CDS2: variants seen among roughly 807,000 people sequenced by gnomAD.
CDS2 encodes CDP-diacylglycerol synthase 2.
In CDS2, 47 loss-of-function variants were observed where a neutral mutation model predicts 59.0. That is an observed-to-expected ratio of 0.80 (90% CI 0.63 to 1.02). CDS2 has a LOEUF of 1.02. Among genes scored for constraint, CDS2 ranks in the 50% least tolerant of loss-of-function variants. CDS2 has a pLI of 0.00. For missense variants in CDS2, 356 were observed against 558.9 expected (o/e 0.64, Z 3.66); for synonymous variants, 207 against 206.4 (o/e 1.00, Z -0.02).
At chr20:5,163,786 TC>T (rs1247219118) in intron 1 of CDS2, among the ~76,000 whole-genome samples, 3,175 of 133,060 alleles carry the variant, frequency 0.024, 80 homozygotes, top group South Asian at 0.086. Flanking sequence ...ATAATTTCTT[TC>T]TTTCTTTTTT....
chr20:5,184,325 G>A lies in CDS2; in HGVS notation c.672-533G>A, dbSNP rs746922273. ...GAGTGGGCAGAGGGGAAATCTAGCTGTGCGTGTTGGGGTTTCACACTCAAA... is the reference window on the plus strand; with the variant it reads ...GAGTGGGCAGAGGGGAAATCTAGCTATGCGTGTTGGGGTTTCACACTCAAA... On this transcript the variant is annotated intron_variant, in intron 7 of 12. Transcript: ENST00000460006. The surrounding 1 kb of genome is among the most constrained non-coding windows in gnomAD (Gnocchi z 4.3). 3.3e-5 allele frequency among the ~76,000 whole-genome samples: 5 copies of A among 152,196 alleles called. No individual in the cohort carries two copies. Among genetic ancestry groups the A allele is most frequent in the African/African-American group, 1.2e-4 (5 of 41,452 alleles).
chr20:5,164,358 T>A (rs1447758416), intron 1 of CDS2, among the ~76,000 whole-genome samples: 1 of 152,176 alleles, frequency 6.6e-6, no homozygotes, highest in Non-Finnish European at 1.5e-5. Flanking sequence ...TTTGCTCTCA[T>A]GTCTACTTAT....
chr20:5,175,280 G>A lies in CDS2; in HGVS notation c.291+1G>A, dbSNP rs769400834. On this transcript the variant is annotated splice_donor_variant, in intron 3 of 12. Coordinates refer to ENST00000460006, the MANE Select transcript of CDS2 (RefSeq NM_003818.4). LOFTEE classifies it high-confidence loss of function. ...GGGACCAATGGTTTTGATGATAATC[G>A]TAAGTGCCATTTCACACTATTTTAG... 4.3e-6 allele frequency: 7 copies of A among 1,610,882 alleles called. No homozygotes were observed. Among genetic ancestry groups the A allele is most frequent in the Admixed American group, 1.7e-5 (1 of 59,988 alleles).
intron 1 of CDS2, among the ~76,000 whole-genome samples, chr20:5,163,123 C>G (rs1379154914): frequency 1.3e-5 from 2 of 152,178 alleles, no homozygotes; most frequent in Non-Finnish European, 2.9e-5. Context: ...GCGTGAGGAT[C>G]ACTTGAGGCC....
intron 1 of CDS2, among the ~76,000 whole-genome samples, chr20:5,131,352 A>C (rs6116658): frequency 0.34 from 52,295 of 152,102 alleles, 10,087 homozygotes; most frequent in South Asian, 0.65. Context: ...CCCAAAGCAC[A>C]GTATAGTTGC....
At chr20:5,144,037 T>TC (rs2090719340) in intron 1 of CDS2, among the ~76,000 whole-genome samples, 1 of 152,136 alleles carries the variant, frequency 6.6e-6, no homozygotes, top group East Asian at 1.9e-4. Context: ...ACTGCTGGGA[T>TC]CATAGGCATG....
At chr20:5,175,144 C>T (rs1003490759) in intron 2 of CDS2, 39 bp from the exon 3 acceptor site, 1 of 1,486,694 alleles carries the variant, frequency 6.7e-7, no homozygotes, top group Non-Finnish European at 9.4e-7. Flanking sequence ...TTCTGGGCTC[C>T]TAACTGGTGT....
Position 5,173,647 on chromosome 20 carries a change from ACTTGT to A in CDS2, c.186_190del (p.Leu62PhefsTer41). ...GAGGTCCTCAATAGGGCCCTTTCCA[ACTTGT>A]CTTCAAGGTAACCTGGCTTAATGAT... On this transcript the variant is annotated frameshift_variant, in exon 2 of 13. Transcript: ENST00000460006. LOFTEE classifies it high-confidence loss of function. The A allele has an allele frequency of 1.2e-6, 2 of 1,614,054 alleles. No individual in the cohort carries two copies. Among genetic ancestry groups the A allele is most frequent in the Non-Finnish European group, 1.7e-6 (2 of 1,179,970 alleles).
intron 7 of CDS2, 54 bp downstream of exon 7, chr20:5,183,197 C>T: frequency 6.9e-7 from 1 of 1,449,140 alleles, no homozygotes; most frequent in Non-Finnish European, 9.7e-7. Flanking sequence ...TTCTCGTGTA[C>T]AGATACCCCC....
chr20:5,137,051 T>C (rs1001372630), intron 1 of CDS2, among the ~76,000 whole-genome samples: 2 of 152,102 alleles, frequency 1.3e-5, no homozygotes, highest in Non-Finnish European at 2.9e-5. Context: ...TTTCTCTTCT[T>C]GCATTAATTT....
chr20:5,167,328 C>T (rs2090920324), intron 1 of CDS2, among the ~76,000 whole-genome samples: 1 of 152,128 alleles, frequency 6.6e-6, no homozygotes, highest in South Asian at 2.1e-4. Context: ...CTTTGAATCC[C>T]ATTATTGCTG....
In CDS2 at chr20:5,191,804, G is replaced by A. The variant is rs918689816; in HGVS notation, c.*1570G>A. The A allele has an allele frequency of 1.6e-4, 25 of 152,104 alleles. No homozygotes were observed. Among genetic ancestry groups the A allele is most frequent in the African/African-American group, 5.8e-4 (24 of 41,392 alleles). 9.4% of individuals were successfully genotyped at this position (152,104 alleles called of 1,614,324 possible). On this transcript the variant is annotated 3_prime_UTR_variant, in exon 13 of 13. Transcript: ENST00000460006. ...GAACTTTTATTTCCATTTCAGCCTCGTGGCTTCTCTTATTCAGGTCCAAGG... is the reference window on the plus strand; with the variant it reads ...GAACTTTTATTTCCATTTCAGCCTCATGGCTTCTCTTATTCAGGTCCAAGG...
At chr20:5,156,831 C>T (rs1600488190) in intron 1 of CDS2, among the ~76,000 whole-genome samples, 1 of 152,098 alleles carries the variant, frequency 6.6e-6, no homozygotes, top group African/African-American at 2.4e-5. Context: ...AGATGTTGGC[C>T]AGCAGGTGAA....
chr20:5,146,543 A>G (rs2122982291), intron 1 of CDS2, among the ~76,000 whole-genome samples: 1 of 152,352 alleles, frequency 6.6e-6, no homozygotes, highest in African/African-American at 2.4e-5. Flanking sequence ...AGATGCTGTC[A>G]TCTTAGGTAA....
At chr20:5,167,568 T>A (rs1415993038) in intron 1 of CDS2, among the ~76,000 whole-genome samples, 1 of 152,226 alleles carries the variant, frequency 6.6e-6, no homozygotes, top group Non-Finnish European at 1.5e-5. Flanking sequence ...GTATATTTTT[T>A]TTCAGTAGGA....
At chr20:5,131,221 G>T (rs2090605418) in intron 1 of CDS2, among the ~76,000 whole-genome samples, 2 of 152,034 alleles carry the variant, frequency 1.3e-5, no homozygotes, top group African/African-American at 4.8e-5. Context: ...TCTGGAGCAT[G>T]TTTATTTATA....
At chr20:5,179,144 C>G (rs2091015139) in intron 5 of CDS2, among the ~76,000 whole-genome samples, 188 bp downstream of exon 5, 1 of 143,538 alleles carries the variant, frequency 7.0e-6, no homozygotes, top group African/African-American at 2.6e-5. Context: ...TTTTTTGAGC[C>G]AGGGTCTCAC....
At chr20:5,178,720 T>G in intron 4 of CDS2, 97 bp from the exon 5 acceptor site, 1 of 1,255,370 alleles carries the variant, frequency 8.0e-7, no homozygotes. Context: ...GGGTGGGGGG[T>G]ATTCTGCTGC....
Position 5,195,543 on chromosome 20 carries a change from G to C in CDS2, c.*5309G>C, listed in dbSNP as rs2091150834. ...GTGGTACCTCCACTCTGGGCAGGGAGGGCCTGTCTGTGACTCGCTCTGGAC... is the reference window on the plus strand; with the variant it reads ...GTGGTACCTCCACTCTGGGCAGGGACGGCCTGTCTGTGACTCGCTCTGGAC... On this transcript the variant is annotated 3_prime_UTR_variant, in exon 13 of 13. Coordinates refer to ENST00000460006, the MANE Select transcript of CDS2 (RefSeq NM_003818.4). The C allele has an allele frequency of 6.6e-6, 1 of 152,496 alleles. No homozygotes were observed. The highest frequency in any genetic ancestry group is 1.5e-5 in the Non-Finnish European group (1 of 68,340). 9.4% of individuals were successfully genotyped at this position (152,496 alleles called of 1,614,324 possible).
Sources: gnomAD v4.1 joint callset for allele counts (sites outside exome capture counted in the v4.1 genomes callset) on GRCh38, gnomAD v4.1.1 for gene constraint, Gnocchi (gnomAD v3.1) non-coding constraint, MANE v1.5 for transcripts, NCBI Gene and HGNC (gene_info 2026-07-23, HGNC 2026-07-21) for gene names.